Variants in CDC123 observed in about 807,000 individuals in gnomAD.
CDC123 encodes the protein cell division cycle 123.
In CDC123, 37 loss-of-function variants were observed where a neutral mutation model predicts 54.4. The observed-to-expected ratio is 0.68, with a 90% CI of 0.52 to 0.89. CDC123 has a LOEUF of 0.89. CDC123 is among the 40% of genes least tolerant of loss of function. The pLI is 0.00. For synonymous variants in CDC123, 144 were observed against 136.8 expected (o/e 1.05, Z -0.37); for missense variants, 361 against 412.1 (o/e 0.88, Z 1.07).
At chr10:12,226,239 A>C (rs1245280064) in intron 6 of CDC123, among the ~76,000 whole-genome samples, 1 of 152,100 alleles carries the variant, frequency 6.6e-6, no homozygotes, top group Admixed American at 6.5e-5. Flanking sequence ...CAAAACCGCC[A>C]TCGTCATCAT....
intron 1 of CDC123, among the ~76,000 whole-genome samples, chr10:12,197,523 C>A (rs1835375377): frequency 6.6e-6 from 1 of 151,292 alleles, no homozygotes; most frequent in Non-Finnish European, 1.5e-5. Context: ...ACTACAGGCG[C>A]CCGCCACCAC....
chr10:12,200,119 C>CCTTTTTTTTTTTTTTTTTTTTT (rs1564431631), intron 2 of CDC123, among the ~76,000 whole-genome samples: 1 of 24,270 alleles, frequency 4.1e-5, no homozygotes, highest in African/African-American at 1.1e-4. Context: ...CCGCACTCGG[C>CCTTTTTTTTTTTTTTTTTTTTT]ATTTTTTTTT....
chr10:12,230,224 G>A (rs529134664), intron 6 of CDC123, among the ~76,000 whole-genome samples: 5 of 150,644 alleles, frequency 3.3e-5, no homozygotes, highest in Non-Finnish European at 7.4e-5. Flanking sequence ...ATGGAGTCTC[G>A]CTCTGTCACC....
At position 12,219,816 on chromosome 10, in the gene CDC123, C is replaced by G. The variant is rs1267213964; in HGVS notation, c.440+2349C>G. Among the ~76,000 whole-genome samples the G allele has an allele frequency of 5.9e-5, 9 of 152,084 alleles. No individual in the cohort carries two copies. The East Asian group carries it at 1.7e-3, about 29-fold the overall frequency. ...TCTTCTGCCTCAGCCTCCCAAGTAGCTGGGATTACAGGCGCATGGCTACCA... is the reference window on the plus strand; with the variant it reads ...TCTTCTGCCTCAGCCTCCCAAGTAGGTGGGATTACAGGCGCATGGCTACCA... On this transcript the variant is annotated intron_variant, in intron 6 of 12. Transcript: ENST00000281141.
chr10:12,223,896 A>C (rs528274387), intron 6 of CDC123, among the ~76,000 whole-genome samples: 5 of 152,228 alleles, frequency 3.3e-5, no homozygotes, highest in Non-Finnish European at 5.9e-5. Flanking sequence ...GTTTGGGGGA[A>C]CAGGTGGTGT....
Position 12,209,954 on chromosome 10 carries a change from T to C in CDC123, c.147-13T>C, listed in dbSNP as rs1046876076. On this transcript the variant is annotated splice_polypyrimidine_tract_variant and intron_variant, in intron 2 of 12. Transcript: ENST00000281141. The stretch of plus-strand genomic sequence containing the variant: ...GTCCTTTTCTTTCTTGATGTTTGTT[T>C]GTGTTTTTTTAGGGATGATCCACCA... 6.2e-7 allele frequency: 1 copy of C among 1,613,868 alleles called. No individual in the cohort carries two copies. Among genetic ancestry groups the C allele is most frequent in the African/African-American group, 1.3e-5 (1 of 74,934 alleles).
chr10:12,234,901 AT>A, intron 7 of CDC123, 146 bp from the exon 8 acceptor site: 1 of 586,876 alleles, frequency 1.7e-6, no homozygotes, highest in Non-Finnish European at 3.0e-6. Flanking sequence ...GGCATGTGCC[AT>A]CATGCCCGGC....
rs1835656832 is a variant in CDC123, at chr10:12,215,954, A to T, written c.333+119A>T. 3 of 578,834 alleles carry T rather than the reference A, an allele frequency of 5.2e-6. No homozygotes were observed. In the South Asian group the frequency reaches 8.8e-5, roughly 17 times the overall value. 35.9% of individuals were successfully genotyped at this position (578,834 alleles called of 1,614,324 possible). The stretch of plus-strand genomic sequence containing the variant: ...CCTAATTCTAGGAAAAATACTGTGG[A>T]ATTTATTATTAATTTCCCTCTACTG... On this transcript the variant is annotated intron_variant, in intron 5 of 12. Transcript: ENST00000281141.
chr10:12,201,064 T>G lies in CDC123; in HGVS notation c.146+2288T>G, dbSNP rs142123561. Among the ~76,000 whole-genome samples the G allele has an allele frequency of 6.1e-3, 923 of 152,386 alleles. 6 individuals are homozygous for G. Among genetic ancestry groups the G allele is most frequent in the African/African-American group, 0.021 (879 of 41,586 alleles). ...TGTGAAAGCCAGCATGGCATGGTGC[T>G]GTTTCTTTAGTCAGATTGCTTAATT... On this transcript the variant is annotated intron_variant, in intron 2 of 12. Transcript: ENST00000281141.
At chr10:12,197,777 C>T (rs746450519) in intron 1 of CDC123, among the ~76,000 whole-genome samples, 18 of 152,176 alleles carry the variant, frequency 1.2e-4, no homozygotes, top group Admixed American at 7.2e-4. Flanking sequence ...AGTGCAGTGG[C>T]AGTGATCTTT....
intron 5 of CDC123, among the ~76,000 whole-genome samples, chr10:12,216,140 G>T (rs747759950): frequency 1.2e-4 from 18 of 152,128 alleles, no homozygotes; most frequent in Non-Finnish European, 2.1e-4. Flanking sequence ...GTTTAACAGA[G>T]AAATTTTTCT....
At chr10:12,223,541 C>T (rs1020922857) in intron 6 of CDC123, among the ~76,000 whole-genome samples, 1 of 152,222 alleles carries the variant, frequency 6.6e-6, no homozygotes, top group African/African-American at 2.4e-5. Context: ...CTGCCTCGGC[C>T]TCCCAGAGTG....
At chr10:12,227,560 C>T (rs1051339631) in intron 6 of CDC123, among the ~76,000 whole-genome samples, 3 of 151,542 alleles carry the variant, frequency 2.0e-5, no homozygotes, top group African/African-American at 2.4e-5. Flanking sequence ...TGCAGTGTCA[C>T]GATCTCAGAT....
At chr10:12,198,183 C>G (rs1173257636) in intron 1 of CDC123, among the ~76,000 whole-genome samples, 1 of 152,192 alleles carries the variant, frequency 6.6e-6, no homozygotes, top group Non-Finnish European at 1.5e-5. Context: ...CTTTATATCT[C>G]TGGTGATCAG....
intron 7 of CDC123, among the ~76,000 whole-genome samples, chr10:12,231,684 T>G (rs980926269): frequency 6.6e-6 from 1 of 151,942 alleles, no homozygotes; most frequent in Non-Finnish European, 1.5e-5. Flanking sequence ...ATTAGAAATT[T>G]TGATGAGTTT....
chr10:12,234,913 C>A, intron 7 of CDC123, 135 bp from the exon 8 acceptor site: 1 of 622,262 alleles, frequency 1.6e-6, no homozygotes, highest in Non-Finnish European at 2.8e-6. Context: ...CATGCCCGGC[C>A]AAGAATGTCA....
At chr10:12,221,412 C>G (rs1255891282) in intron 6 of CDC123, among the ~76,000 whole-genome samples, 1 of 152,194 alleles carries the variant, frequency 6.6e-6, no homozygotes, top group Non-Finnish European at 1.5e-5. Context: ...GACCATATCT[C>G]AACCAGAAAC....
chr10:12,207,050 G>A (rs1835532721), intron 2 of CDC123, among the ~76,000 whole-genome samples: 1 of 150,856 alleles, frequency 6.6e-6, no homozygotes, highest in Non-Finnish European at 1.5e-5. Flanking sequence ...TTAAGTACTT[G>A]GTGAGCCCTT....
At chr10:12,232,608 T>A (rs963357047) in intron 7 of CDC123, among the ~76,000 whole-genome samples, 9 of 152,032 alleles carry the variant, frequency 5.9e-5, no homozygotes, top group African/African-American at 2.2e-4. Context: ...ATACAACTTG[T>A]GAGATTTTTT....
Sources: gnomAD v4.1 joint callset for allele counts (sites outside exome capture counted in the v4.1 genomes callset) on GRCh38, gnomAD v4.1.1 for gene constraint, MANE v1.5 for transcripts, NCBI Gene and HGNC (gene_info 2026-07-23, HGNC 2026-07-21) for gene names.